Variants in DTNB observed in about 807,000 individuals in gnomAD.
DTNB encodes the protein DTN-B.
In DTNB, 63 loss-of-function variants were observed where a neutral mutation model predicts 90.7. The ratio of observed to expected loss-of-function variants is 0.69; its 90% CI spans 0.57 to 0.86. The LOEUF (loss-of-function observed/expected upper bound fraction) is 0.86, where lower values mean the gene tolerates loss of function less well. DTNB is among the 40% of genes least tolerant of loss of function. The probability of loss-of-function intolerance (pLI) is 0.00; values close to 1 mark genes in which losing one functional copy is unlikely to be tolerated. For synonymous variants in DTNB, 277 were observed against 286.7 expected (o/e 0.97, Z 0.34); for missense variants, 744 against 807.1 (o/e 0.92, Z 0.95).
rs577424906 is a variant in DTNB, at chr2:25,388,121, A to G, written c.1735+81T>C. The G allele has an allele frequency of 1.4e-5, 21 of 1,527,702 alleles. 1 individual carries two copies. In the South Asian group the frequency reaches 2.4e-4, roughly 18 times the overall value. The allele number at this position is 1,527,702 out of a possible 1,614,324, so 94.6% of individuals were successfully genotyped here. ...TCCAAGCAAAGAGCACAAAACAGAA[A>G]TGGAAAAAACCTCAGCAGGAATCTT... On this transcript the variant is annotated intron_variant, in intron 17 of 20. Transcript: ENST00000406818.
rs554431927 is a variant in DTNB at position 25,616,656 on chromosome 2, G to A, written c.363-9335C>T. On this transcript the variant is annotated intron_variant, in intron 4 of 20. Coordinates refer to ENST00000406818, the MANE Select transcript of DTNB (RefSeq NM_021907.5). ...AAAAAAAAAAAAAAAGACTTGGCCG[G>A]GCGCAGTGGCTCATGCCTCTAATCC... Among the ~76,000 whole-genome samples the A allele has an allele frequency of 5.2e-5, 7 of 134,084 alleles. No homozygotes were observed. The South Asian group carries it at 1.1e-3, about 22-fold the overall frequency. 88.0% of individuals were successfully genotyped at this position (134,084 alleles called of 152,430 possible).
At chr2:25,378,221 G>A (rs2149477891) in intron 20 of DTNB, among the ~76,000 whole-genome samples, 1 of 152,344 alleles carries the variant, frequency 6.6e-6, no homozygotes, top group South Asian at 2.1e-4. Context: ...CCACGGCCTA[G>A]GCTTGCTTGG....
chr2:25,415,388 G>A (rs958225851), intron 16 of DTNB, among the ~76,000 whole-genome samples: 6 of 150,942 alleles, frequency 4.0e-5, no homozygotes, highest in Non-Finnish European at 8.8e-5. Flanking sequence ...CTGGGACTAC[G>A]GGTGCATGCT....
intron 12 of DTNB, among the ~76,000 whole-genome samples, chr2:25,447,447 T>C (rs1200190759): frequency 6.6e-6 from 1 of 151,872 alleles, no homozygotes; most frequent in Non-Finnish European, 1.5e-5. Flanking sequence ...CTTCTTCCAC[T>C]GCAACAGGAG....
At chr2:25,553,961 A>C (rs535584524) in intron 8 of DTNB, among the ~76,000 whole-genome samples, 17 of 152,066 alleles carry the variant, frequency 1.1e-4, no homozygotes, top group African/African-American at 4.1e-4. Flanking sequence ...AAAAAAATAC[A>C]AAGATTTGCT....
intron 9 of DTNB, among the ~76,000 whole-genome samples, chr2:25,484,825 A>G (rs1291821685): frequency 1.3e-5 from 2 of 152,214 alleles, no homozygotes; most frequent in Non-Finnish European, 2.9e-5. Context: ...CAGATATCCA[A>G]TTATGTCCCA....
intron 9 of DTNB, among the ~76,000 whole-genome samples, chr2:25,491,194 G>A (rs1443272515): frequency 9.2e-5 from 14 of 151,878 alleles, no homozygotes; most frequent in South Asian, 2.1e-4. Context: ...GGGAGGAAGA[G>A]GCAGGGGGAG....
intron 4 of DTNB, among the ~76,000 whole-genome samples, chr2:25,616,062 C>T (rs937663806): frequency 6.6e-6 from 1 of 152,224 alleles, no homozygotes; most frequent in African/African-American, 2.4e-5. Flanking sequence ...ATTAATCACA[C>T]TGCAGTTGTG....
At chr2:25,472,513 A>C (rs1442706502) in intron 10 of DTNB, among the ~76,000 whole-genome samples, 1 of 152,188 alleles carries the variant, frequency 6.6e-6, no homozygotes. Flanking sequence ...GCCACACTGA[A>C]GAATGGGGGT....
intron 16 of DTNB, among the ~76,000 whole-genome samples, chr2:25,398,384 C>A (rs924895632): frequency 6.6e-6 from 1 of 152,226 alleles, no homozygotes; most frequent in Non-Finnish European, 1.5e-5. Flanking sequence ...CAGCCCTTGG[C>A]GTTAGGATCA....
chr2:25,644,563 G>A (rs2079033216), intron 2 of DTNB, among the ~76,000 whole-genome samples: 1 of 151,968 alleles, frequency 6.6e-6, no homozygotes, highest in Admixed American at 6.6e-5. Context: ...AGACAGCCTG[G>A]CCAACATGGT....
At chr2:25,480,216 G>C (rs1476003050) in intron 10 of DTNB, among the ~76,000 whole-genome samples, 1 of 152,078 alleles carries the variant, frequency 6.6e-6, no homozygotes, top group Non-Finnish European at 1.5e-5. Flanking sequence ...TGTTCCTATG[G>C]AGCCGCTACT....
intron 3 of DTNB, 75 bp from the exon 4 acceptor site, chr2:25,628,459 T>A: frequency 7.5e-7 from 1 of 1,340,654 alleles, no homozygotes; most frequent in Non-Finnish European, 1.0e-6. Context: ...ATCTAAAATT[T>A]ATCAACTAGT....
intron 1 of DTNB, among the ~76,000 whole-genome samples, chr2:25,667,141 T>TAAAA (rs1009134986): frequency 3.0e-5 from 4 of 131,918 alleles, no homozygotes; most frequent in African/African-American, 8.4e-5. Context: ...AAAACAAAAT[T>TAAAA]AAAAAAAAAA....
At chr2:25,614,567 A>C (rs1197201689) in intron 4 of DTNB, among the ~76,000 whole-genome samples, 1 of 152,206 alleles carries the variant, frequency 6.6e-6, no homozygotes. Flanking sequence ...ATAATTAAAT[A>C]ATATTTTTTA....
chr2:25,465,517 A>G (rs1156992188), intron 10 of DTNB, among the ~76,000 whole-genome samples: 1 of 152,118 alleles, frequency 6.6e-6, no homozygotes, highest in Non-Finnish European at 1.5e-5. Flanking sequence ...ATCAAATCCC[A>G]TCTCCCCTGT....
At chr2:25,383,594 TC>T (rs1450686743) in intron 19 of DTNB, 2 of 719,370 alleles carry the variant, frequency 2.8e-6, no homozygotes, top group Admixed American at 6.1e-5. Context: ...TGTATCTACT[TC>T]CTGTATCCCA....
intron 14 of DTNB, among the ~76,000 whole-genome samples, chr2:25,432,235 A>G (rs1432172161): frequency 1.3e-5 from 2 of 151,636 alleles, no homozygotes; most frequent in African/African-American, 4.9e-5. Flanking sequence ...ACACACACAC[A>G]CACACACACC....
chr2:25,596,432 C>T, intron 5 of DTNB, 192 bp from the exon 6 acceptor site: 1 of 435,900 alleles, frequency 2.3e-6, no homozygotes, highest in Non-Finnish European at 3.8e-6. Context: ...GATGAGGCCC[C>T]TCTCTTCCAC....
Sources: allele counts gnomAD v4.1 joint callset (sites outside exome capture counted in the v4.1 genomes callset), GRCh38; gene constraint gnomAD v4.1.1; transcripts MANE v1.5; gene names NCBI Gene and HGNC (gene_info 2026-07-23, HGNC 2026-07-21).